The following ICA1L variants were observed in gnomAD, a reference collection of about 807,000 sequenced individuals.
ICA1L encodes the protein islet cell autoantigen 1-like protein.
ICA1L carries 50 observed loss-of-function variants against 61.3 expected under a neutral mutation model. The ratio of observed to expected loss-of-function variants is 0.82; its 90% confidence interval spans 0.65 to 1.03. ICA1L has a LOEUF of 1.03. Among genes scored for constraint, ICA1L ranks in the 50% least tolerant of loss-of-function variants. The pLI is 0.00. For synonymous variants in ICA1L, 161 were observed against 191.3 expected, an observed-to-expected ratio of 0.84 and a Z score of 1.31; for missense variants, 508 against 556.7, an observed-to-expected ratio of 0.91 and a Z score of 0.88.
intron 1 of ICA1L, among the ~76,000 whole-genome samples, chr2:202,848,560 A>G (rs1485064992): frequency 2.0e-5 from 3 of 152,164 alleles, no homozygotes; most frequent in Non-Finnish European, 4.4e-5. Flanking sequence ...CATCCAGCAA[A>G]TTGCACAGCC....
chr2:202,866,818 G>A (rs763091676), intron 1 of ICA1L, among the ~76,000 whole-genome samples: 6 of 152,044 alleles, frequency 3.9e-5, no homozygotes, highest in African/African-American at 1.4e-4. Context: ...GAGGTGGCAG[G>A]CTCCTGTAGT....
At chr2:202,840,073 ATTTT>A (rs532184078) in intron 1 of ICA1L, among the ~76,000 whole-genome samples, 1 of 95,194 alleles carries the variant, frequency 1.1e-5, no homozygotes, top group Non-Finnish European at 2.1e-5. Context: ...TTAATTTTTA[ATTTT>A]TTTTTTTTTT....
At chr2:202,829,076 C>T (rs1466572056) in intron 1 of ICA1L, 60 bp from the exon 2 acceptor site, 121 of 1,389,154 alleles carry the variant, frequency 8.7e-5, no homozygotes, top group Non-Finnish European at 1.2e-4. Flanking sequence ...AGGCTGGGCA[C>T]GGTGGCTCAC....
At chr2:202,787,846 G>A (rs1692633867) in intron 11 of ICA1L, among the ~76,000 whole-genome samples, 1 of 152,202 alleles carries the variant, frequency 6.6e-6, no homozygotes, top group Admixed American at 6.5e-5. Flanking sequence ...ACCACGGGAG[G>A]AGGGAGAAAC....
chr2:202,814,813 T>C (rs1439370116), intron 7 of ICA1L, 29 bp from the exon 8 acceptor site: 5 of 1,405,046 alleles, frequency 3.6e-6, no homozygotes, highest in Non-Finnish European at 4.0e-6. Context: ...ATGTTAAGTA[T>C]ATAGAATGAA....
intron 1 of ICA1L, among the ~76,000 whole-genome samples, chr2:202,869,280 C>T (rs931304398): frequency 3.1e-4 from 47 of 152,108 alleles, no homozygotes; most frequent in African/African-American, 2.9e-4. Context: ...ATGGCGTGAA[C>T]CCGGGAGGCG....
chr2:202,804,864 A>G (rs766980526), intron 9 of ICA1L, among the ~76,000 whole-genome samples: 22 of 152,176 alleles, frequency 1.4e-4, no homozygotes, highest in Non-Finnish European at 2.5e-4. Flanking sequence ...AAAAAGATGA[A>G]TTTTTCTATT....
rs1382779979 is a variant in ICA1L, at chr2:202,779,480, A to T, written c.*53T>A. The T allele has an allele frequency of 1.8e-6, 2 of 1,084,942 alleles. No homozygotes were observed. Among genetic ancestry groups the T allele is most frequent in the Admixed American group, 2.0e-5 (1 of 50,202 alleles). The allele number at this position is 1,084,942 out of a possible 1,614,324, so 67.2% of individuals were successfully genotyped here. ...AATCTAAATCCTTTCCACGAAGGAAATACGTTGCAAAATTGATGTCTCAAG... is the reference window on the plus strand; with the variant it reads ...AATCTAAATCCTTTCCACGAAGGAATTACGTTGCAAAATTGATGTCTCAAG... On this transcript the variant is annotated 3_prime_UTR_variant, in exon 13 of 13. Transcript: ENST00000358299.
rs1694565638 is a variant in ICA1L, at chr2:202,849,803, G to A, written c.-7-20787C>T. Among the ~76,000 whole-genome samples the A allele has an allele frequency of 6.6e-6, 1 of 152,202 alleles. No homozygotes were observed. ...GCACAGCAATTGAGCTCTGCTAGGG[G>A]ACAGACAGCCTCCTCAAGTGGGTCC... On this transcript the variant is annotated intron_variant, in intron 1 of 12. Transcript: ENST00000358299. The surrounding 1 kb of genome is among the most constrained non-coding windows in gnomAD (Gnocchi z 4.5).
At chr2:202,841,470 G>T in intron 1 of ICA1L, 1 of 899,478 alleles carries the variant, frequency 1.1e-6, no homozygotes, top group Non-Finnish European at 1.8e-6. Flanking sequence ...TGTCTATGGA[G>T]GAGGCAAATT....
chr2:202,798,631 A>G (rs1201065692), intron 9 of ICA1L, among the ~76,000 whole-genome samples: 2 of 152,172 alleles, frequency 1.3e-5, no homozygotes, highest in Non-Finnish European at 2.9e-5. Flanking sequence ...TGGTCAAGTC[A>G]GGGTATTTAG....
chr2:202,851,047 C>T (rs1480713584), intron 1 of ICA1L, among the ~76,000 whole-genome samples: 1 of 151,066 alleles, frequency 6.6e-6, no homozygotes, highest in African/African-American at 2.4e-5. Flanking sequence ...TTCTAGGGTA[C>T]ATGTGCACAA....
In ICA1L at chr2:202,803,093, T is replaced by C. The variant is rs368859262; in HGVS notation, c.911-6129A>G. On this transcript the variant is annotated intron_variant, in intron 9 of 12. Coordinates refer to ENST00000358299, the MANE Select transcript of ICA1L (RefSeq NM_001288622.3). ...AAAAAATCCAACTAAACCTTGTTTATGAGATGTATCTCAGTTATAAGGACA... is the reference window on the plus strand; with the variant it reads ...AAAAAATCCAACTAAACCTTGTTTACGAGATGTATCTCAGTTATAAGGACA... 5.9e-3 allele frequency among the ~76,000 whole-genome samples: 897 copies of C among 152,238 alleles called. 15 individuals are homozygous for C. Among genetic ancestry groups the C allele is most frequent in the African/African-American group, 0.021 (855 of 41,520 alleles).
intron 7 of ICA1L, among the ~76,000 whole-genome samples, chr2:202,815,086 A>C (rs1348994903): frequency 6.6e-6 from 1 of 152,252 alleles, no homozygotes; most frequent in Non-Finnish European, 1.5e-5. Flanking sequence ...TCTGTATCAC[A>C]ATGCTCTAAA....
rs1692139648 is a variant in ICA1L at position 202,774,140 on chromosome 2, T to A, written c.*5393A>T. 4.2e-6 allele frequency: 6 copies of A among 1,443,000 alleles called. No individual in the cohort carries two copies. Among genetic ancestry groups the A allele is most frequent in the Non-Finnish European group, 5.7e-6 (6 of 1,049,462 alleles). 89.4% of individuals were successfully genotyped at this position (1,443,000 alleles called of 1,614,324 possible). ...TATTCTCAACTCTTCATTAATCAAT[T>A]CATTTGTTGATGCTTCATATCTGAG... On this transcript the variant is annotated 3_prime_UTR_variant, in exon 13 of 13. Transcript: ENST00000358299.
At position 202,774,101 on chromosome 2, in the gene ICA1L, A is replaced by T; in HGVS notation, c.*5432T>A. 1.7e-6 allele frequency: 2 copies of T among 1,157,050 alleles called. No homozygotes were observed. The highest frequency in any genetic ancestry group is 2.5e-6 in the Non-Finnish European group (2 of 793,388). The allele number at this position is 1,157,050 out of a possible 1,614,324, so 71.7% of individuals were successfully genotyped here. ...TATGATAATATTAGGAATCCCATCA[A>T]TGATTGGATAAGCTATTCTCAACTC... is the stretch of plus-strand genomic sequence containing the variant. On this transcript the variant is annotated 3_prime_UTR_variant, in exon 13 of 13. Transcript: ENST00000358299.
rs1376894141 is a variant in ICA1L, at chr2:202,814,685, G to A, written c.866+17C>T. On this transcript the variant is annotated intron_variant, in intron 8 of 12. Coordinates refer to ENST00000358299, the MANE Select transcript of ICA1L (RefSeq NM_001288622.3). The stretch of plus-strand genomic sequence containing the variant: ...AGGACTTCTATAACATGACACAGAT[G>A]ACTTATGCCTGCTTACTTATTGAGC... 1.3e-6 allele frequency: 2 copies of A among 1,563,638 alleles called. No homozygotes were observed. Among genetic ancestry groups the A allele is most frequent in the African/African-American group, 2.7e-5 (2 of 73,802 alleles).
chr2:202,797,395 T>C (rs919825181), intron 9 of ICA1L, among the ~76,000 whole-genome samples: 1 of 152,240 alleles, frequency 6.6e-6, no homozygotes, highest in African/African-American at 2.4e-5. Context: ...AATTTTATTA[T>C]TGTTTAATTG....
intron 10 of ICA1L, among the ~76,000 whole-genome samples, chr2:202,793,480 T>C (rs1365605795): frequency 1.2e-5 from 1 of 82,804 alleles, no homozygotes; most frequent in African/African-American, 4.8e-5. Context: ...AACATGGCAA[T>C]ATCCCGTCTC....
Sources: gnomAD v4.1 joint callset for allele counts (sites outside exome capture counted in the v4.1 genomes callset) on GRCh38, gnomAD v4.1.1 for gene constraint, Gnocchi (gnomAD v3.1) non-coding constraint, MANE v1.5 for transcripts, NCBI Gene and HGNC (gene_info 2026-07-23, HGNC 2026-07-21) for gene names.